Variants in PDE10A observed in about 807,000 individuals in gnomAD.
The protein encoded by PDE10A is phosphodiesterase 10A, also known as cAMP and cAMP-inhibited cGMP 3',5'-cyclic phosphodiesterase 10A.
PDE10A carries 39 observed loss-of-function variants against 97.7 expected under a neutral mutation model. The ratio of observed to expected loss-of-function variants is 0.40; its 90% CI spans 0.31 to 0.52. PDE10A has a LOEUF of 0.52. PDE10A is among the 20% of genes least tolerant of loss of function. The probability of loss-of-function intolerance (pLI) is 0.56; values close to 1 mark genes in which losing one functional copy is unlikely to be tolerated. For synonymous variants in PDE10A, 371 were observed against 376.8 expected, an observed-to-expected ratio of 0.98 and a Z score of 0.18; for missense variants, 731 against 1,047.8, an observed-to-expected ratio of 0.70 and a Z score of 4.17.
At chr6:165,577,992 A>G (rs1317571195) in intron 1 of PDE10A, among the ~76,000 whole-genome samples, 2 of 152,154 alleles carry the variant, frequency 1.3e-5, no homozygotes, top group Non-Finnish European at 2.9e-5. Flanking sequence ...CCATCTCCAC[A>G]GGCGTCTGCT....
chr6:165,441,611 T>C (rs1013719433), intron 5 of PDE10A, among the ~76,000 whole-genome samples: 1 of 152,068 alleles, frequency 6.6e-6, no homozygotes, highest in African/African-American at 2.4e-5. Flanking sequence ...GCTAAACTAC[T>C]TACTAGGAAG....
At chr6:165,492,439 A>G (rs1216208743) in intron 2 of PDE10A, among the ~76,000 whole-genome samples, 1 of 152,174 alleles carries the variant, frequency 6.6e-6, no homozygotes, top group Admixed American at 6.5e-5. Flanking sequence ...ATCCCTGGTG[A>G]ACATAGATGC....
At chr6:165,351,399 C>A (rs776655722) in intron 18 of PDE10A, among the ~76,000 whole-genome samples, 1 of 151,850 alleles carries the variant, frequency 6.6e-6, no homozygotes, top group African/African-American at 2.4e-5. Context: ...TAATGTAACT[C>A]CAGAATGAAT....
chr6:165,433,156 TA>T lies in PDE10A; in HGVS notation c.1336-28del, dbSNP rs777334689. The T allele has an allele frequency of 3.8e-6, 6 of 1,573,026 alleles. No individual in the cohort carries two copies. The East Asian group carries it at 1.3e-4, about 35-fold the overall frequency. On this transcript the variant is annotated intron_variant, in intron 6 of 21. Transcript: ENST00000539869. ...TGAAAAACAAAAAGACAAAAAGACA[TA>T]AATTCAGTGAAATGATCATTAAGTG...
At chr6:165,820,200 C>CA (rs746616598) in intron 1 of PDE10A, among the ~76,000 whole-genome samples, 1 of 152,166 alleles carries the variant, frequency 6.6e-6, no homozygotes, top group Non-Finnish European at 1.5e-5. Flanking sequence ...AGATCTACAG[C>CA]AAAATGTTCT....
intron 17 of PDE10A, among the ~76,000 whole-genome samples, chr6:165,381,020 G>A (rs508495): frequency 1 from 151,869 of 152,386 alleles, 75,679 homozygotes; most frequent in Middle Eastern, 1. Flanking sequence ...ATACAATTTT[G>A]TGCTTTGTAT....
chr6:165,947,837 A>T (rs939837032), intron 1 of PDE10A, among the ~76,000 whole-genome samples: 1 of 152,184 alleles, frequency 6.6e-6, no homozygotes, highest in African/African-American at 2.4e-5. Context: ...TGACACAGCA[A>T]GACATCACTT....
intron 1 of PDE10A, among the ~76,000 whole-genome samples, chr6:165,857,882 C>T (rs1303559112): frequency 1.3e-5 from 2 of 152,140 alleles, no homozygotes; most frequent in Non-Finnish European, 2.9e-5. Context: ...GAAAAACAAG[C>T]ACAACATGCA....
At chr6:165,411,659 G>A (rs1787847541) in intron 13 of PDE10A, among the ~76,000 whole-genome samples, 1 of 152,062 alleles carries the variant, frequency 6.6e-6, no homozygotes. Context: ...ATTATGCAGT[G>A]AAAAAATAAG....
Position 165,409,176 on chromosome 6 carries a change from A to G in PDE10A, c.2076+4325T>C, listed in dbSNP as rs948249381. Among the ~76,000 whole-genome samples the G allele has an allele frequency of 1.6e-4, 24 of 151,798 alleles. 1 individual carries two copies. The highest frequency in any genetic ancestry group is 5.6e-4 in the African/African-American group (23 of 41,370). ...TGAGACTCCATCTCAAAAAAAAAAA[A>G]AAAAAAGAAAAAAGGTAATAAATTC... On this transcript the variant is annotated intron_variant, in intron 13 of 21. Transcript: ENST00000539869.
chr6:165,734,723 G>A (rs983055411), intron 1 of PDE10A, among the ~76,000 whole-genome samples: 3 of 152,106 alleles, frequency 2.0e-5, no homozygotes, highest in Admixed American at 6.5e-5. Flanking sequence ...TAAGAGACAT[G>A]GGTACAGAAG....
chr6:165,382,936 A>G (rs1785027374), intron 17 of PDE10A, among the ~76,000 whole-genome samples: 1 of 152,212 alleles, frequency 6.6e-6, no homozygotes, highest in Non-Finnish European at 1.5e-5. Context: ...TTACCAGTAC[A>G]GGTAGTGTTG....
intron 1 of PDE10A, among the ~76,000 whole-genome samples, chr6:165,797,779 GA>G (rs1484965887): frequency 6.6e-5 from 10 of 152,274 alleles, no homozygotes; most frequent in African/African-American, 2.4e-4. Context: ...TCTTTGTCTT[GA>G]AATGACAGAA....
At chr6:165,618,615 C>A (rs986804687) in intron 1 of PDE10A, among the ~76,000 whole-genome samples, 5 of 152,028 alleles carry the variant, frequency 3.3e-5, no homozygotes. Context: ...TCAGGGCCCC[C>A]CAGAAAAAAA....
intron 1 of PDE10A, among the ~76,000 whole-genome samples, chr6:165,837,572 T>C (rs1472238622): frequency 1.3e-5 from 2 of 152,128 alleles, no homozygotes; most frequent in Non-Finnish European, 2.9e-5. Context: ...TGGATTCATC[T>C]AGGTTACACC....
At chr6:165,746,567 C>T (rs1168807999) in intron 1 of PDE10A, among the ~76,000 whole-genome samples, 2 of 152,202 alleles carry the variant, frequency 1.3e-5, no homozygotes, top group Non-Finnish European at 2.9e-5. Flanking sequence ...GAGTGCCAGA[C>T]CCGGAGACAC....
intron 1 of PDE10A, among the ~76,000 whole-genome samples, chr6:165,738,652 C>T (rs563366129): frequency 2.0e-5 from 3 of 151,726 alleles, no homozygotes; most frequent in Non-Finnish European, 4.4e-5. Context: ...GTTCCTATTT[C>T]TCCACATCCT....
chr6:165,449,246 G>A (rs946936154), intron 4 of PDE10A, among the ~76,000 whole-genome samples: 5 of 152,126 alleles, frequency 3.3e-5, no homozygotes, highest in African/African-American at 1.2e-4. Flanking sequence ...TAACATATTT[G>A]TTGAACTTTA....
At chr6:165,728,352 C>G (rs1157633060) in intron 1 of PDE10A, among the ~76,000 whole-genome samples, 1 of 152,202 alleles carries the variant, frequency 6.6e-6, no homozygotes, top group Non-Finnish European at 1.5e-5. Context: ...TCAATGGATT[C>G]ATAACACTCA....
Sources: gnomAD v4.1 joint callset for allele counts (sites outside exome capture counted in the v4.1 genomes callset) on GRCh38, gnomAD v4.1.1 for gene constraint, MANE v1.5 for transcripts, NCBI Gene and HGNC (gene_info 2026-07-23, HGNC 2026-07-21) for gene names.